Variants in SACM1L observed in about 807,000 individuals in gnomAD.
SACM1L encodes the protein SAC1 like phosphatidylinositide phosphatase.
Under a neutral mutation model 89.5 loss-of-function variants are expected in SACM1L, and 32 were observed. That is an observed-to-expected ratio of 0.36 (90% CI 0.27 to 0.48). The LOEUF is 0.48. Ranked by LOEUF, SACM1L falls within the 20% of genes least tolerant of loss-of-function variation. The probability of loss-of-function intolerance (pLI) is 0.99; values close to 1 mark genes in which losing one functional copy is unlikely to be tolerated. For synonymous variants in SACM1L, 213 were observed against 232.8 expected (o/e 0.92, Z 0.77); for missense variants, 543 against 708.5 (o/e 0.77, Z 2.65).
At chr3:45,702,214 T>TAA (rs772309924) in intron 1 of SACM1L, among the ~76,000 whole-genome samples, 1 of 152,202 alleles carries the variant, frequency 6.6e-6, no homozygotes, top group Non-Finnish European at 1.5e-5. Context: ...TCAGAGAACT[T>TAA]GCAGTAAAAA....
chr3:45,737,761 T>C lies in SACM1L; in HGVS notation c.1310-11T>C. ...TTAATAATTATCAGCTGTTTTTACT[T>C]TTTTCTACAGCCTGGGCTGACAACG... On this transcript the variant is annotated splice_polypyrimidine_tract_variant and intron_variant, in intron 15 of 19. Coordinates refer to ENST00000389061, the MANE Select transcript of SACM1L (RefSeq NM_014016.5). 1 of 1,608,812 alleles carries C rather than the reference T, an allele frequency of 6.2e-7. No individual in the cohort carries two copies. The highest frequency in any genetic ancestry group is 1.3e-5 in the African/African-American group (1 of 74,622).
rs1471653489 is a variant in SACM1L at position 45,728,905 on chromosome 3, C to T, written c.922-2396C>T. ...CCCAGGCTGGTCTTGAACTCCTGGC[C>T]TCAAGCCATCCTCTTGCCTCAGCCT... On this transcript the variant is annotated intron_variant, in intron 11 of 19. Transcript: ENST00000389061. 1.3e-5 allele frequency among the ~76,000 whole-genome samples: 2 copies of T among 152,170 alleles called. 1 individual carries two copies. Among genetic ancestry groups the T allele is most frequent in the African/African-American group, 4.8e-5 (2 of 41,526 alleles).
chr3:45,734,130 T>TTTTG (rs1699141199), intron 13 of SACM1L, among the ~76,000 whole-genome samples: 1 of 151,218 alleles, frequency 6.6e-6, no homozygotes, highest in African/African-American at 2.4e-5. Context: ...TTTTTTTTTT[T>TTTTG]GGCTGGGGGC....
In SACM1L at chr3:45,722,973, C is replaced by CT. The variant is rs960584150; in HGVS notation, c.852+24dup. On this transcript the variant is annotated intron_variant, in intron 10 of 19. Transcript: ENST00000389061. ...CAAATCACGTGTGTATCTTGCATGC[C>CT]TTTTTTGTTGGTTAAAAATAGAAGC... is the stretch of plus-strand genomic sequence containing the variant. 1.9e-6 allele frequency: 3 copies of CT among 1,585,314 alleles called. No individual in the cohort carries two copies. Among genetic ancestry groups the CT allele is most frequent in the African/African-American group, 2.7e-5 (2 of 74,166 alleles).
At position 45,689,448 on chromosome 3, in the gene SACM1L, A is replaced by G. The variant is rs1390463825; in HGVS notation, c.-18A>G. ...GGCGGGGCGGGCGGAGAGAGAAGGA[A>G]GGAGGTGGTTGTGCAGGATGGCGAC... On this transcript the variant is annotated 5_prime_UTR_variant, in exon 1 of 20. Transcript: ENST00000389061. The G allele has an allele frequency of 6.4e-7, 1 of 1,561,922 alleles. No homozygotes were observed. Among genetic ancestry groups the G allele is most frequent in the Non-Finnish European group, 8.7e-7 (1 of 1,153,800 alleles).
chr3:45,691,050 A>G (rs1310154844), intron 1 of SACM1L, among the ~76,000 whole-genome samples: 2 of 152,248 alleles, frequency 1.3e-5, no homozygotes, highest in Non-Finnish European at 2.9e-5. Flanking sequence ...TAACCAGTTC[A>G]GACCTTAAAA....
At position 45,703,368 on chromosome 3, in the gene SACM1L, C is replaced by T. The variant is rs1698316948; in HGVS notation, c.33-70C>T. Reference sequence around the variant, plus strand: ...TGTCAAATTTATACTCTGTAATTGTCATAATAAGTAGTTTTTTAGAAGTCT... The same window carrying T: ...TGTCAAATTTATACTCTGTAATTGTTATAATAAGTAGTTTTTTAGAAGTCT... On this transcript the variant is annotated intron_variant, in intron 1 of 19. Transcript: ENST00000389061. The T allele has an allele frequency of 3.0e-6, 3 of 1,013,842 alleles. No individual in the cohort carries two copies. In the Admixed American group the frequency reaches 5.2e-5, roughly 18 times the overall value. 62.8% of individuals were successfully genotyped at this position (1,013,842 alleles called of 1,614,324 possible).
At chr3:45,713,872 A>G (rs889863284) in intron 6 of SACM1L, 174 bp from the exon 7 acceptor site, 7 of 336,004 alleles carry the variant, frequency 2.1e-5, no homozygotes, top group Admixed American at 1.4e-4. Context: ...TTCAAGCTCA[A>G]ATGATTGTAA....
chr3:45,729,936 C>T (rs2125701733), intron 11 of SACM1L, among the ~76,000 whole-genome samples: 1 of 151,848 alleles, frequency 6.6e-6, no homozygotes, highest in South Asian at 2.1e-4. Context: ...TTTTTGTACT[C>T]TTTTGCTCCA....
At chr3:45,698,155 T>G (rs983640575) in intron 1 of SACM1L, among the ~76,000 whole-genome samples, 3 of 152,174 alleles carry the variant, frequency 2.0e-5, no homozygotes, top group African/African-American at 7.2e-5. Flanking sequence ...AGAATAAAAT[T>G]TATTACATAA....
intron 9 of SACM1L, 87 bp downstream of exon 9, chr3:45,722,172 T>G: frequency 1.2e-6 from 1 of 804,492 alleles, no homozygotes. Flanking sequence ...TTTCCCTCTT[T>G]TCCCTTCTCT....
At chr3:45,696,764 C>T (rs60229253) in intron 1 of SACM1L, among the ~76,000 whole-genome samples, 9,046 of 151,988 alleles carry the variant, frequency 0.06, 885 homozygotes, top group African/African-American at 0.21. Flanking sequence ...TTAAAGAGAT[C>T]AGTTGTCTGA....
At chr3:45,713,404 G>A (rs958305287) in intron 6 of SACM1L, 32 of 391,816 alleles carry the variant, frequency 8.2e-5, no homozygotes, top group Non-Finnish European at 1.4e-4. Flanking sequence ...TTCTATAGAA[G>A]CCTTAAATAA....
chr3:45,711,499 G>A (rs979936476), intron 5 of SACM1L, among the ~76,000 whole-genome samples: 2 of 151,880 alleles, frequency 1.3e-5, no homozygotes, highest in African/African-American at 2.4e-5. Flanking sequence ...GTGGCGGCAC[G>A]CACCTGCAAT....
At chr3:45,711,283 A>G (rs1223966061) in intron 5 of SACM1L, among the ~76,000 whole-genome samples, 2 of 152,120 alleles carry the variant, frequency 1.3e-5, no homozygotes, top group East Asian at 1.9e-4. Flanking sequence ...GCTAAGCTGC[A>G]GAAAAAGCCA....
intron 1 of SACM1L, among the ~76,000 whole-genome samples, chr3:45,690,724 TTTTCCTCTCCACC>T (rs1471494972): frequency 1.9e-5 from 1 of 52,848 alleles, no homozygotes; most frequent in African/African-American, 6.9e-5. Flanking sequence ...TCCCTCCACA[TTTTCCTCTCCACC>T]TTTCCCTATT....
chr3:45,695,609 T>C (rs1012651505), intron 1 of SACM1L, among the ~76,000 whole-genome samples: 1 of 152,240 alleles, frequency 6.6e-6, no homozygotes, highest in Non-Finnish European at 1.5e-5. Flanking sequence ...GCTACAGTTT[T>C]ATGACATATC....
In SACM1L at chr3:45,696,610, C is replaced by G. The variant is rs1244478917; in HGVS notation, c.33-6828C>G. 4.6e-5 allele frequency among the ~76,000 whole-genome samples: 7 copies of G among 151,980 alleles called. No homozygotes were observed. The South Asian group carries it at 1.2e-3, about 27-fold the overall frequency. On this transcript the variant is annotated intron_variant, in intron 1 of 19. Coordinates refer to ENST00000389061, the MANE Select transcript of SACM1L (RefSeq NM_014016.5). ...CAAAGCACCAGGATTCCAGTGTCTCCGCATCCTAGCCAACACTCGTTATTT... is the reference window on the plus strand; with the variant it reads ...CAAAGCACCAGGATTCCAGTGTCTCGGCATCCTAGCCAACACTCGTTATTT...
chr3:45,731,115 G>T (rs760510967), intron 11 of SACM1L, among the ~76,000 whole-genome samples, 186 bp from the exon 12 acceptor site: 5 of 152,108 alleles, frequency 3.3e-5, no homozygotes, highest in Admixed American at 6.5e-5. Context: ...TGCTTGGGTG[G>T]GTTACTATAA....
Sources: allele counts gnomAD v4.1 joint callset (sites outside exome capture counted in the v4.1 genomes callset), GRCh38; gene constraint gnomAD v4.1.1; transcripts MANE v1.5; gene names NCBI Gene and HGNC (gene_info 2026-07-23, HGNC 2026-07-21).